The following AKAP13 variants were observed in gnomAD, a reference collection of about 807,000 sequenced individuals.
AKAP13 encodes the protein A-kinase anchoring protein 13.
A neutral mutation model predicts 264.5 loss-of-function variants in AKAP13; 80 were observed. The ratio of observed to expected loss-of-function variants is 0.30; its 90% CI spans 0.25 to 0.36. AKAP13 has a LOEUF of 0.36. AKAP13 is among the 10% of genes least tolerant of loss of function. The probability of loss-of-function intolerance (pLI) is 1.00; values close to 1 mark genes in which losing one functional copy is unlikely to be tolerated. For missense variants in AKAP13, 3,712 were observed against 3,435.2 expected (o/e 1.08, Z -2.01); for synonymous variants, 1,380 against 1,250.2 (o/e 1.10, Z -2.19).
At chr15:85,466,981 G>A (rs974742812) in intron 1 of AKAP13, among the ~76,000 whole-genome samples, 1 of 151,046 alleles carries the variant, frequency 6.6e-6, no homozygotes, top group African/African-American at 2.4e-5. Context: ...TTCCCAGCAT[G>A]GACCATTATA....
chr15:85,581,505 G>A lies in AKAP13; in HGVS notation c.3437G>A (p.Gly1146Glu), dbSNP rs750729014. ...GACAAAGCTGTGACTGACCCACAGGGAGTTGGAACCCCAGAGATGATACCT... is the reference window on the plus strand; with the variant it reads ...GACAAAGCTGTGACTGACCCACAGGAAGTTGGAACCCCAGAGATGATACCT... Reference protein sequence around the residue: ...LQDKAVTDPQGVGTPEMIPLD... With the variant: ...LQDKAVTDPQEVGTPEMIPLD... Residue 1146 changes from glycine (G) to glutamate (E), a missense_variant, in exon 7 of 37, where the codon GGA becomes GAA. Physicochemically the swap from Gly to Glu is moderately conservative, Grantham distance 98. This residue lies in a region of AKAP13 where 2,759 missense variants were observed against 2,411.7 expected (regional missense o/e 1.14). Coordinates refer to ENST00000394518, the MANE Select transcript of AKAP13 (RefSeq NM_007200.5). 6.8e-6 allele frequency: 11 copies of A among 1,614,124 alleles called. No individual in the cohort carries two copies. The Admixed American group carries it at 8.3e-5, about 12-fold the overall frequency.
Position 85,498,248 on chromosome 15 carries a change from A to G in AKAP13, c.33+12495A>G, listed in dbSNP as rs143182839. ...TATATCACATTGAGCGAGATCATAG[A>G]TAAAACTTTAGATATAGGTGGTTTT... On this transcript the variant is annotated intron_variant, in intron 2 of 36. Transcript: ENST00000394518. Among the ~76,000 whole-genome samples the G allele has an allele frequency of 1.1e-3, 166 of 148,366 alleles. 1 individual carries two copies. Among genetic ancestry groups the G allele is most frequent in the African/African-American group, 3.9e-3 (159 of 40,622 alleles).
intron 10 of AKAP13, among the ~76,000 whole-genome samples, chr15:85,646,559 G>A (rs1463774293): frequency 6.6e-6 from 1 of 152,198 alleles, no homozygotes; most frequent in East Asian, 1.9e-4. Flanking sequence ...AATTAATTAA[G>A]TCAGATGACA....
intron 8 of AKAP13, among the ~76,000 whole-genome samples, chr15:85,624,005 T>C (rs746263163): frequency 1.3e-5 from 2 of 152,330 alleles, no homozygotes; most frequent in Middle Eastern, 3.4e-3. Flanking sequence ...CTGAGTTCAG[T>C]AGCCAACTTT....
intron 1 of AKAP13, among the ~76,000 whole-genome samples, chr15:85,399,515 A>AAAAT (rs2071298242): frequency 3.3e-5 from 4 of 120,138 alleles, no homozygotes; most frequent in African/African-American, 9.3e-5. Flanking sequence ...AAAAAAAAAA[A>AAAAT]AAAAAAATAA....
intron 1 of AKAP13, among the ~76,000 whole-genome samples, chr15:85,430,348 T>G (rs1159322813): frequency 1.3e-5 from 2 of 152,244 alleles, no homozygotes; most frequent in Non-Finnish European, 2.9e-5. Context: ...TAGTAAAAAT[T>G]TAGTTAGTTA....
chr15:85,682,404 T>C (rs977594111), intron 15 of AKAP13, among the ~76,000 whole-genome samples, 192 bp downstream of exon 15: 1 of 152,228 alleles, frequency 6.6e-6, no homozygotes, highest in Non-Finnish European at 1.5e-5. Flanking sequence ...TCAGTAGTTT[T>C]ATTAATTATA....
intron 1 of AKAP13, among the ~76,000 whole-genome samples, chr15:85,444,198 A>G (rs1190293392): frequency 6.6e-6 from 1 of 152,188 alleles, no homozygotes; most frequent in African/African-American, 2.4e-5. Context: ...CGAGCCAGCT[A>G]CTTGTTATAT....
In AKAP13 at chr15:85,630,093, C is replaced by A. The variant is rs1023351169; in HGVS notation, c.4162-9281C>A. 3.3e-5 allele frequency among the ~76,000 whole-genome samples: 5 copies of A among 151,836 alleles called. No homozygotes were observed. In the South Asian group the frequency reaches 1.0e-3, roughly 32 times the overall value. ...GCAGCAGCTTCTGTGAAGCTCTAAT[C>A]TCCCGAGTTCTCTGGCTCTTAGACA... On this transcript the variant is annotated intron_variant, in intron 8 of 36. Transcript: ENST00000394518.
In AKAP13 at chr15:85,717,185, C is replaced by T. The variant is rs968101163; in HGVS notation, c.5736-105C>T. Reference sequence around the variant, plus strand: ...CAATTTGTCTTCAGTCACTGTAGTACTTCCAGCCAGTTGTCATTCTAGAGT... The same window carrying T: ...CAATTTGTCTTCAGTCACTGTAGTATTTCCAGCCAGTTGTCATTCTAGAGT... On this transcript the variant is annotated intron_variant, in intron 20 of 36. Transcript: ENST00000394518. 1.8e-5 allele frequency: 12 copies of T among 682,526 alleles called. No homozygotes were observed. The Admixed American group carries it at 3.1e-4, about 18-fold the overall frequency. 42.3% of individuals were successfully genotyped at this position (682,526 alleles called of 1,614,324 possible). A position where few individuals can be genotyped will look rare whatever the true frequency, so the allele number is the denominator to read the frequency against.
chr15:85,567,442 T>C (rs1219989941), intron 5 of AKAP13, among the ~76,000 whole-genome samples: 3 of 152,240 alleles, frequency 2.0e-5, no homozygotes, highest in African/African-American at 7.2e-5. Context: ...TATTTTGTAG[T>C]AGTGGTGACT....
chr15:85,656,155 G>A (rs2083083072), intron 11 of AKAP13, among the ~76,000 whole-genome samples: 1 of 152,180 alleles, frequency 6.6e-6, no homozygotes, highest in Non-Finnish European at 1.5e-5. Context: ...GTAGTTTCAT[G>A]TCAACTTTGA....
intron 1 of AKAP13, among the ~76,000 whole-genome samples, chr15:85,405,123 T>C (rs544860196): frequency 1.4e-4 from 21 of 152,308 alleles, no homozygotes; most frequent in Non-Finnish European, 2.6e-4. Flanking sequence ...TATGAATAGA[T>C]GAGTCATGTG....
chr15:85,411,080 A>G (rs1460766912), intron 1 of AKAP13, among the ~76,000 whole-genome samples: 1 of 152,212 alleles, frequency 6.6e-6, no homozygotes, highest in Non-Finnish European at 1.5e-5. Context: ...AGGTCAACAC[A>G]TGAAAACATT....
In AKAP13 at chr15:85,717,419, G is replaced by C. The variant is rs529182358; in HGVS notation, c.5848+17G>C. ...CTGATGAGGGTAAGAGGAAGTTATG[G>C]CCTTTATTTTATGCCTCTGTAGGGA... is the stretch of plus-strand genomic sequence containing the variant. On this transcript the variant is annotated intron_variant, in intron 21 of 36. Transcript: ENST00000394518. The C allele has an allele frequency of 3.2e-6, 5 of 1,573,900 alleles. No individual in the cohort carries two copies. Among genetic ancestry groups the C allele is most frequent in the Non-Finnish European group, 4.4e-6 (5 of 1,145,470 alleles).
intron 5 of AKAP13, among the ~76,000 whole-genome samples, chr15:85,547,247 A>G (rs1373660188): frequency 1.3e-5 from 2 of 152,210 alleles, no homozygotes; most frequent in African/African-American, 4.8e-5. Context: ...AACCCCATTT[A>G]TAGCCCTTCC....
intron 19 of AKAP13, among the ~76,000 whole-genome samples, chr15:85,712,256 C>T (rs1020954903): frequency 2.0e-5 from 3 of 152,188 alleles, no homozygotes; most frequent in African/African-American, 7.2e-5. Flanking sequence ...TACTAGTCTA[C>T]ACTCCCAGAA....
At chr15:85,731,722 T>A (rs2088053348) in intron 30 of AKAP13, among the ~76,000 whole-genome samples, 1 of 152,154 alleles carries the variant, frequency 6.6e-6, no homozygotes, top group Admixed American at 6.5e-5. Flanking sequence ...TATTTACCAG[T>A]TTTTAAGACC....
chr15:85,718,259 T>C lies in AKAP13; in HGVS notation c.6001+100T>C. On this transcript the variant is annotated intron_variant, in intron 22 of 36. Coordinates refer to ENST00000394518, the MANE Select transcript of AKAP13 (RefSeq NM_007200.5). This position sits in a 1 kb window ranked among gnomAD's most constrained non-coding sequence, Gnocchi z 4.9. ...TATGAAAAATCAGTTTTTTAGTATG[T>C]GGCTTCTTGAAAAGATTTCCTTTAA... 7.2e-7 allele frequency: 1 copy of C among 1,396,990 alleles called. No homozygotes were observed. The highest frequency in any genetic ancestry group is 9.8e-7 in the Non-Finnish European group (1 of 1,020,882). 86.5% of individuals were successfully genotyped at this position (1,396,990 alleles called of 1,614,324 possible).
Sources: allele counts gnomAD v4.1 joint callset (sites outside exome capture counted in the v4.1 genomes callset), GRCh38; gene constraint gnomAD v4.1.1; regional missense constraint gnomAD v4.1.1; non-coding constraint Gnocchi (gnomAD v3.1); transcripts MANE v1.5; gene names NCBI Gene and HGNC (gene_info 2026-07-23, HGNC 2026-07-21).